Variants in PTPRJ observed in about 807,000 individuals in gnomAD.
PTPRJ encodes receptor-type tyrosine-protein phosphatase eta.
PTPRJ carries 129 observed loss-of-function variants against 141.3 expected under a neutral mutation model. That is an observed-to-expected ratio of 0.91 (90% CI 0.79 to 1.06). PTPRJ has a LOEUF of 1.06. Among genes scored for constraint, PTPRJ ranks in the 50% least tolerant of loss-of-function variants. The pLI is 0.00. For missense variants in PTPRJ, 1,601 were observed against 1,679.7 expected (o/e 0.95, Z 0.82); for synonymous variants, 610 against 640.5 (o/e 0.95, Z 0.72).
At position 48,153,904 on chromosome 11, in the gene PTPRJ, C is replaced by A; in HGVS notation, c.3229+18C>A. ...TCTGCCCTGTAAGTTATTTTATCTA[C>A]AGCATCTTCTCTGTGTTCCATCAGT... On this transcript the variant is annotated intron_variant, in intron 19 of 24. Coordinates refer to ENST00000418331, the MANE Select transcript of PTPRJ (RefSeq NM_002843.4). The A allele has an allele frequency of 6.5e-7, 1 of 1,534,402 alleles. No individual in the cohort carries two copies.
chr11:47,998,261 A>G (rs971092106), intron 1 of PTPRJ, among the ~76,000 whole-genome samples: 5 of 152,158 alleles, frequency 3.3e-5, no homozygotes, highest in African/African-American at 4.8e-5. Flanking sequence ...CTAGATCAGT[A>G]GGGTGACTAC....
chr11:48,066,088 G>C (rs1350251477), intron 1 of PTPRJ, among the ~76,000 whole-genome samples: 1 of 152,196 alleles, frequency 6.6e-6, no homozygotes, highest in Non-Finnish European at 1.5e-5. Context: ...TGAGACTGCA[G>C]TGAGCTCTAT....
At chr11:48,075,144 G>T (rs61914738) in intron 1 of PTPRJ, among the ~76,000 whole-genome samples, 10,040 of 151,604 alleles carry the variant, frequency 0.066, 432 homozygotes, top group African/African-American at 0.12. Context: ...TATTTAGTTA[G>T]TTAGTTAGTT....
chr11:48,077,683 AG>A lies in PTPRJ; in HGVS notation c.97-32374del, dbSNP rs145536196. Among the ~76,000 whole-genome samples the A allele has an allele frequency of 2.6e-3, 401 of 152,276 alleles. 1 individual carries two copies. Among genetic ancestry groups the A allele is most frequent in the African/African-American group, 9.0e-3 (374 of 41,558 alleles). ...TTGCACGAATCTTTCCAGCCTGAGC[AG>A]CCTGAGATGGGTCTTTTTCCCTGCT... On this transcript the variant is annotated intron_variant, in intron 1 of 24. Transcript: ENST00000418331.
Position 48,137,158 on chromosome 11 carries a change from A to C in PTPRJ, c.2029A>C (p.Ile677Leu). 1 of 1,612,940 alleles carries C rather than the reference A, an allele frequency of 6.2e-7. No homozygotes were observed. The highest frequency in any genetic ancestry group is 8.5e-7 in the Non-Finnish European group (1 of 1,178,878). Residue 677 changes from isoleucine to leucine, a missense_variant, in exon 10 of 25, where the codon ATT (isoleucine) becomes CTT (leucine). Physicochemically the swap from Ile to Leu is conservative, Grantham distance 5. Transcript: ENST00000418331. The part of the protein sequence containing the change: ...SSNATQVVTD[I>L]GITDATVTEL... ...CAACGCAACACAAGTAGTCACGGAC[A>C]TTGGAATTACTGACGCTACAGTCAC...
At position 48,167,253 on chromosome 11, in the gene PTPRJ, A is replaced by G. The variant is rs775084554; in HGVS notation, c.3905A>G (p.Gln1302Arg). 3 of 1,612,864 alleles carry G rather than the reference A, an allele frequency of 1.9e-6. No homozygotes were observed. ...NQCVLDIVRS[Q>R]KDSKVDLIYQ... ...TGTGTTTTGGATATTGTCAGATCCC[A>G]GAAAGACTCAAAAGTAGATCTTATC... The change falls in exon 25 of 25, where the codon CAG (glutamine) becomes CGG (arginine). Residue 1302 changes from glutamine (Q) to arginine (R), a missense_variant. By Grantham distance (43) the Gln-to-Arg change is conservative. Coordinates refer to ENST00000418331, the MANE Select transcript of PTPRJ (RefSeq NM_002843.4).
chr11:48,031,124 G>A (rs12806315), intron 1 of PTPRJ, among the ~76,000 whole-genome samples: 2,256 of 152,268 alleles, frequency 0.015, 19 homozygotes, highest in Admixed American at 0.023. Flanking sequence ...GGTGACCATT[G>A]CCTGTTAGAT....
intron 1 of PTPRJ, among the ~76,000 whole-genome samples, chr11:48,024,879 A>C (rs1372184349): frequency 6.6e-6 from 1 of 152,232 alleles, no homozygotes; most frequent in Non-Finnish European, 1.5e-5. Context: ...TGTGCTTAGA[A>C]GGCCTGCCAC....
At chr11:48,092,364 TG>T (rs1405561255) in intron 1 of PTPRJ, among the ~76,000 whole-genome samples, 2 of 148,458 alleles carry the variant, frequency 1.3e-5, no homozygotes, top group Admixed American at 6.7e-5. Context: ...GCTACTGCTG[TG>T]GGATAGCAAG....
chr11:48,153,152 G>A (rs7126371), intron 18 of PTPRJ, among the ~76,000 whole-genome samples: 5,113 of 152,244 alleles, frequency 0.034, 131 homozygotes, highest in Non-Finnish European at 0.051. Flanking sequence ...CAGCCAAGGA[G>A]ATGGGAGCTG....
chr11:48,005,461 T>C (rs1854598259), intron 1 of PTPRJ, among the ~76,000 whole-genome samples: 3 of 152,370 alleles, frequency 2.0e-5, no homozygotes, highest in Middle Eastern at 3.4e-3. Context: ...TGTGTCCTTT[T>C]GATTCTGGCT....
At chr11:48,055,669 C>T (rs557752125) in intron 1 of PTPRJ, among the ~76,000 whole-genome samples, 15 of 152,200 alleles carry the variant, frequency 9.9e-5, no homozygotes, top group East Asian at 3.9e-4. Flanking sequence ...CCTGGGGGCA[C>T]GAGGGTCCCA....
At chr11:48,032,052 C>T (rs540728906) in intron 1 of PTPRJ, among the ~76,000 whole-genome samples, 1 of 152,260 alleles carries the variant, frequency 6.6e-6, no homozygotes, top group African/African-American at 2.4e-5. Context: ...AGTGTCCAGC[C>T]CAGTGCCCAG....
Position 48,160,049 on chromosome 11 carries a change from TGTAA to T in PTPRJ, c.3558+6_3558+9del. The T allele has an allele frequency of 6.2e-7, 1 of 1,613,816 alleles. No homozygotes were observed. The highest frequency in any genetic ancestry group is 8.5e-7 in the Non-Finnish European group (1 of 1,179,796). On this transcript the variant is annotated splice_donor_variant and splice_donor_region_variant and intron_variant, in intron 22 of 24. Transcript: ENST00000418331. LOFTEE classifies it high-confidence loss of function. ...CCATCAGAGATTTCACAGTGAAAAA[TGTAA>T]GTAAGAAGTCAGGATCAGTTGAGCT...
intron 3 of PTPRJ, among the ~76,000 whole-genome samples, chr11:48,117,619 AAAAAC>A (rs1302271933): frequency 6.6e-6 from 1 of 151,236 alleles, no homozygotes; most frequent in African/African-American, 2.4e-5. Context: ...CCTGTCTGAA[AAAAAC>A]AAAACAAAAC....
chr11:48,075,924 T>A (rs1855387169), intron 1 of PTPRJ, among the ~76,000 whole-genome samples: 1 of 152,182 alleles, frequency 6.6e-6, no homozygotes, highest in Admixed American at 6.5e-5. Flanking sequence ...ACTGGGTGTT[T>A]GAGCCTCCTG....
At chr11:48,079,676 C>T (rs1855509816) in intron 1 of PTPRJ, among the ~76,000 whole-genome samples, 1 of 152,118 alleles carries the variant, frequency 6.6e-6, no homozygotes, top group South Asian at 2.1e-4. Flanking sequence ...TTCTACCCAG[C>T]TGCAGCTTCT....
intron 1 of PTPRJ, among the ~76,000 whole-genome samples, chr11:48,039,466 TGTG>T (rs1565270987): frequency 1.1e-4 from 1 of 9,224 alleles, no homozygotes; most frequent in Non-Finnish European, 2.1e-4. Flanking sequence ...AACACTATGG[TGTG>T]TGTGTGTGTG....
At position 48,169,118 on chromosome 11, in the gene PTPRJ, G is replaced by A. The variant is rs1490165661; in HGVS notation, c.*1756G>A. 1 of 152,162 alleles carries A rather than the reference G, an allele frequency of 6.6e-6. No homozygotes were observed. 9.4% of individuals were successfully genotyped at this position (152,162 alleles called of 1,614,324 possible). A position where few individuals can be genotyped will look rare whatever the true frequency, so the allele number is the denominator to read the frequency against. ...TGGACGTGTTAATGGGTCTTTTAGGGTTCTAAAGGGTGAACCACACTTTTA... is the reference window on the plus strand; with the variant it reads ...TGGACGTGTTAATGGGTCTTTTAGGATTCTAAAGGGTGAACCACACTTTTA... On this transcript the variant is annotated 3_prime_UTR_variant, in exon 25 of 25. Transcript: ENST00000418331.
Sources: gnomAD v4.1 joint callset for allele counts (sites outside exome capture counted in the v4.1 genomes callset) on GRCh38, gnomAD v4.1.1 for gene constraint, MANE v1.5 for transcripts, NCBI Gene and HGNC (gene_info 2026-07-23, HGNC 2026-07-21) for gene names.